The following DMRT1 variants were observed in gnomAD, a reference collection of about 807,000 sequenced individuals.
DMRT1 encodes doublesex- and mab-3-related transcription factor 1.
Under a neutral mutation model 32.3 loss-of-function variants are expected in DMRT1, and 7 were observed. That is an observed-to-expected ratio of 0.22 (90% CI 0.12 to 0.41). The LOEUF (loss-of-function observed/expected upper bound fraction) is 0.41, where lower values mean the gene tolerates loss of function less well. Ranked by LOEUF, DMRT1 falls within the 10% of genes least tolerant of loss-of-function variation. The pLI is 1.00. For missense variants in DMRT1, 625 were observed against 500.5 expected (o/e 1.25, Z -2.37); for synonymous variants, 278 against 206.1 (o/e 1.35, Z -2.99).
At chr9:902,012 C>T (rs893292091) in intron 3 of DMRT1, among the ~76,000 whole-genome samples, 21 of 149,356 alleles carry the variant, frequency 1.4e-4, no homozygotes, top group Non-Finnish European at 2.7e-4. Context: ...CTAGTTCAAG[C>T]GGTTCTCCTG....
intron 2 of DMRT1, among the ~76,000 whole-genome samples, chr9:853,475 A>AT (rs1318941683): frequency 0.031 from 4,489 of 144,334 alleles, 170 homozygotes; most frequent in African/African-American, 0.089. Context: ...TATTTAATTA[A>AT]TTTTTTTTTT....
At chr9:917,484 C>T (rs991203739) in intron 4 of DMRT1, among the ~76,000 whole-genome samples, 5 of 152,180 alleles carry the variant, frequency 3.3e-5, no homozygotes, top group Admixed American at 3.3e-4. Context: ...TAACATCCCC[C>T]AGCATTTTCA....
chr9:906,789 C>T (rs1817792075), intron 3 of DMRT1, among the ~76,000 whole-genome samples: 1 of 152,178 alleles, frequency 6.6e-6, no homozygotes, highest in South Asian at 2.1e-4. Context: ...TTATACTAAG[C>T]AGATACCTTC....
intron 1 of DMRT1, among the ~76,000 whole-genome samples, chr9:845,245 C>T (rs573161561): frequency 5.3e-5 from 8 of 151,368 alleles, no homozygotes; most frequent in African/African-American, 1.9e-4. Context: ...AGTCTTGCTC[C>T]ATTGCCCAGG....
intron 3 of DMRT1, chr9:895,027 C>A (rs1817300526): frequency 6.6e-6 from 1 of 152,190 alleles, no homozygotes; most frequent in African/African-American, 2.4e-5. Flanking sequence ...GTTGACCAGG[C>A]TGGTCTTGAA....
At chr9:952,304 A>C (rs896568469) in intron 4 of DMRT1, among the ~76,000 whole-genome samples, 11 of 152,232 alleles carry the variant, frequency 7.2e-5, no homozygotes, top group African/African-American at 2.7e-4. Flanking sequence ...GTGGAGGTAG[A>C]TTAAGAAATA....
Position 877,179 on chromosome 9 carries a change from A to G in DMRT1, c.539-16733A>G, listed in dbSNP as rs75194385. 6.1e-3 allele frequency among the ~76,000 whole-genome samples: 925 copies of G among 152,090 alleles called. 10 individuals carry two copies. Among genetic ancestry groups the G allele is most frequent in the African/African-American group, 0.021 (860 of 41,336 alleles). ...TTTGGTAAAAATGATGGTTGAAAGA[A>G]TGGATGAATTTTTATTTGTAGAATC... On this transcript the variant is annotated intron_variant, in intron 2 of 4. Coordinates refer to ENST00000382276, the MANE Select transcript of DMRT1 (RefSeq NM_021951.3).
chr9:900,522 T>C (rs955850303), intron 3 of DMRT1, among the ~76,000 whole-genome samples: 1 of 151,960 alleles, frequency 6.6e-6, no homozygotes, highest in Non-Finnish European at 1.5e-5. Flanking sequence ...ATATTTGTGC[T>C]GTAGGAAGGC....
chr9:854,224 C>T (rs1191509002), intron 2 of DMRT1, among the ~76,000 whole-genome samples: 5 of 151,982 alleles, frequency 3.3e-5, no homozygotes, highest in African/African-American at 1.2e-4. Flanking sequence ...TCAAGTAATC[C>T]TCCTGCCTCA....
At chr9:858,209 A>G (rs1007161080) in intron 2 of DMRT1, among the ~76,000 whole-genome samples, 4 of 152,180 alleles carry the variant, frequency 2.6e-5, no homozygotes, top group African/African-American at 9.7e-5. Context: ...TCATGTGGCC[A>G]GTGGGAAGAG....
chr9:968,300 T>C lies in DMRT1; in HGVS notation c.*161T>C. 1 of 828,886 alleles carries C rather than the reference T, an allele frequency of 1.2e-6. No individual in the cohort carries two copies. The highest frequency in any genetic ancestry group is 1.9e-6 in the Non-Finnish European group (1 of 525,764). 51.3% of individuals were successfully genotyped at this position (828,886 alleles called of 1,614,324 possible). On this transcript the variant is annotated 3_prime_UTR_variant, in exon 5 of 5. Transcript: ENST00000382276. The stretch of plus-strand genomic sequence containing the variant: ...TAGTCCAGAGGCTGTAACACATTTG[T>C]AATACTTTAGGGTCCGTGACTACCA...
rs987179184 is a variant in DMRT1 at position 862,113 on chromosome 9, A to G, written c.538+14970A>G. On this transcript the variant is annotated intron_variant, in intron 2 of 4. Coordinates refer to ENST00000382276, the MANE Select transcript of DMRT1 (RefSeq NM_021951.3). ...CCTAGACGGGGTGGCGGCTGGGCAG[A>G]GGCTGCAATCTCAGCACTTTGGGAG... Among the ~76,000 whole-genome samples the G allele has an allele frequency of 1.3e-3, 184 of 146,486 alleles. 2 individuals carry two copies. Among genetic ancestry groups the G allele is most frequent in the African/African-American group, 4.5e-3 (181 of 40,488 alleles).
At chr9:903,603 T>C (rs779038204) in intron 3 of DMRT1, among the ~76,000 whole-genome samples, 2 of 152,146 alleles carry the variant, frequency 1.3e-5, no homozygotes, top group Non-Finnish European at 2.9e-5. Context: ...GGGAGGGTGA[T>C]GGTGGGAAGT....
chr9:842,244 T>C, intron 1 of DMRT1, 52 bp downstream of exon 1: 1 of 1,504,856 alleles, frequency 6.6e-7, no homozygotes, highest in Non-Finnish European at 8.8e-7. Flanking sequence ...TTTTTTTTTT[T>C]TTTTTTTTTA....
At chr9:952,938 C>T (rs948587531) in intron 4 of DMRT1, among the ~76,000 whole-genome samples, 2 of 151,998 alleles carry the variant, frequency 1.3e-5, no homozygotes, top group Non-Finnish European at 1.5e-5. Context: ...TTTTTAAAGC[C>T]GAAAGGGTTT....
intron 3 of DMRT1, among the ~76,000 whole-genome samples, chr9:911,495 T>G (rs920616513): frequency 0.078 from 7,058 of 90,538 alleles, 633 homozygotes; most frequent in Admixed American, 0.2. Context: ...TTTTTTTTTT[T>G]TTTTTTTTTT....
At chr9:949,059 C>T (rs1416137079) in intron 4 of DMRT1, among the ~76,000 whole-genome samples, 1 of 151,902 alleles carries the variant, frequency 6.6e-6, no homozygotes, top group African/African-American at 2.4e-5. Flanking sequence ...TGCCACTGTA[C>T]TCCAGCCTGA....
intron 4 of DMRT1, among the ~76,000 whole-genome samples, chr9:949,660 A>G (rs1249718303): frequency 6.6e-6 from 1 of 152,220 alleles, no homozygotes; most frequent in Non-Finnish European, 1.5e-5. Context: ...TAAGCTGCAC[A>G]GATTTCTAGG....
chr9:942,693 C>T lies in DMRT1; in HGVS notation c.968-25292C>T, dbSNP rs140133988. On this transcript the variant is annotated intron_variant, in intron 4 of 4. Coordinates refer to ENST00000382276, the MANE Select transcript of DMRT1 (RefSeq NM_021951.3). ...TATTGCTTTTCTTTTTGTTTATTTT[C>T]TTGTGTTCATAGTCAGATTTTCCAG... Among the ~76,000 whole-genome samples, 11 of 152,114 alleles carry T rather than the reference C, an allele frequency of 7.2e-5. 1 individual carries two copies. In the East Asian group the frequency reaches 2.1e-3, roughly 29 times the overall value.
Sources: allele counts gnomAD v4.1 joint callset (sites outside exome capture counted in the v4.1 genomes callset), GRCh38; gene constraint gnomAD v4.1.1; transcripts MANE v1.5; gene names NCBI Gene and HGNC (gene_info 2026-07-23, HGNC 2026-07-21).